The following AP4M1 variants were observed in gnomAD, a reference collection of about 807,000 sequenced individuals.
The protein encoded by AP4M1 is adaptor related protein complex 4 subunit mu 1, also known as AP-4 complex subunit mu-1.
AP4M1 carries 58 observed loss-of-function variants against 62.4 expected under a neutral mutation model. The ratio of observed to expected loss-of-function variants is 0.93; its 90% CI spans 0.75 to 1.16. The LOEUF is 1.16. AP4M1 is among the 50% of genes most tolerant of loss of function. The probability of loss-of-function intolerance (pLI) is 0.00; values close to 1 mark genes in which losing one functional copy is unlikely to be tolerated. For synonymous variants in AP4M1, 290 were observed against 239.7 expected (o/e 1.21, Z -1.94); for missense variants, 626 against 585.4 (o/e 1.07, Z -0.72).
At chr7:100,103,896 A>AAG (rs1796259413) in intron 6 of AP4M1, among the ~76,000 whole-genome samples, 196 bp from the exon 7 acceptor site, 1 of 150,858 alleles carries the variant, frequency 6.6e-6, no homozygotes, top group Non-Finnish European at 1.5e-5. Flanking sequence ...GCAAAAAAAA[A>AAG]AAAAAAAAAA....
chr7:100,101,195 C>T (rs546749583), upstream of AP4M1: 22 of 1,591,084 alleles, frequency 1.4e-5, no homozygotes, highest in South Asian at 2.1e-4. Context: ...AAGACCCCAG[C>T]TCACACCAAC....
Position 100,105,947 on chromosome 7 carries a change from C to T in AP4M1, c.930-12C>T, listed in dbSNP as rs1305696056. The T allele has an allele frequency of 5.0e-6, 8 of 1,613,938 alleles. No homozygotes were observed. The highest frequency in any genetic ancestry group is 1.3e-5 in the African/African-American group (1 of 74,892). On this transcript the variant is annotated splice_polypyrimidine_tract_variant and intron_variant, in intron 11 of 14. Coordinates refer to ENST00000359593, the MANE Select transcript of AP4M1 (RefSeq NM_004722.4). ...GATGGCCTGAGTCGTGGTGTTTTAC[C>T]CTCTCATCCAGGCTCCAGGTTTATC... is the stretch of plus-strand genomic sequence containing the variant.
At chr7:100,106,189 G>A (rs765694445) in intron 12 of AP4M1, 52 bp from the exon 13 acceptor site, 37 of 1,604,518 alleles carry the variant, frequency 2.3e-5, no homozygotes, top group Non-Finnish European at 3.2e-5. Context: ...AGAGGAACAG[G>A]ACAAGGGACT....
At position 100,105,289 on chromosome 7, in the gene AP4M1, G is replaced by A. The variant is rs144253083; in HGVS notation, c.777G>A (p.Val259=). Reference sequence around the variant, plus strand: ...ATGAAGTCTCGTTTCACAGCTCTGTGAATCTGGACGAATTTGAGTCTCATC... The same window carrying A: ...ATGAAGTCTCGTTTCACAGCTCTGTAAATCTGGACGAATTTGAGTCTCATC... ...RVDEVSFHSS[V]NLDEFESHRI... Residue 259 remains valine, a synonymous_variant, in exon 10 of 15, where the codon GTG becomes GTA. Transcript: ENST00000359593. The A allele has an allele frequency of 7.1e-5, 114 of 1,614,156 alleles. No homozygotes were observed. The African/African-American group carries it at 1.5e-3, about 21-fold the overall frequency.
rs544437184 is a variant in AP4M1, at chr7:100,101,999, G to C, written c.147+31G>C. 6.8e-6 allele frequency: 11 copies of C among 1,611,492 alleles called. No homozygotes were observed. The African/African-American group carries it at 1.2e-4, about 18-fold the overall frequency. On this transcript the variant is annotated intron_variant, in intron 2 of 14. Coordinates refer to ENST00000359593, the MANE Select transcript of AP4M1 (RefSeq NM_004722.4). ...CAGTGGCGGGAGGCGGGTGAGGAGC[G>C]GGGTCCCGTCGGGCCGGGTGGGCGC...
rs1424440850 is a variant in AP4M1, at chr7:100,107,986, G to A, written c.*1104G>A. On this transcript the variant is annotated 3_prime_UTR_variant, in exon 15 of 15. Transcript: ENST00000359593. Reference sequence around the variant, plus strand: ...TTACAATAAACTTGGTTGGAGGAGGGGAAGGCTGTGGTGGGGCAGCCGCTC... The same window carrying A: ...TTACAATAAACTTGGTTGGAGGAGGAGAAGGCTGTGGTGGGGCAGCCGCTC... 12 of 1,614,058 alleles carry A rather than the reference G, an allele frequency of 7.4e-6. No homozygotes were observed. The highest frequency in any genetic ancestry group is 9.3e-6 in the Non-Finnish European group (11 of 1,179,988).
Position 100,106,437 on chromosome 7 carries a change from G to C in AP4M1, c.1060G>C (p.Ala354Pro), listed in dbSNP as rs201015648. The stretch of plus-strand genomic sequence containing the variant: ...GGAGCTGAGCAGCCCAGAGCAGAAG[G>C]CTGAGCTGGCAGAGGGAGCCCTTCG... ...SQELSSPEQK[A>P]ELAEGALRWD... The change falls in exon 14 of 15, where the codon GCT becomes CCT. Residue 354 changes from alanine to proline, a missense_variant. Physicochemically the swap from Ala to Pro is conservative, Grantham distance 27 (BLOSUM62 -1). Coordinates refer to ENST00000359593, the MANE Select transcript of AP4M1 (RefSeq NM_004722.4). 201 of 1,613,756 alleles carry C rather than the reference G, an allele frequency of 1.2e-4. No homozygotes were observed. The highest frequency in any genetic ancestry group is 1.6e-4 in the Non-Finnish European group (193 of 1,180,036).
intron 4 of AP4M1, 122 bp downstream of exon 4, chr7:100,103,082 T>G (rs1796191703): frequency 2.6e-6 from 2 of 777,108 alleles, no homozygotes; most frequent in Non-Finnish European, 4.0e-6. Flanking sequence ...TTTTTTTTTT[T>G]GCTTTTAGAG....
Position 100,102,937 on chromosome 7 carries a change from T to C in AP4M1, c.328T>C (p.Tyr110His). The change falls in exon 4 of 15, where the codon TAC (tyrosine) becomes CAC (histidine). Residue 110 changes from tyrosine to histidine, a missense_variant. By Grantham distance (83) the Tyr-to-His change is moderately conservative. Transcript: ENST00000359593. ...GTISRNVALV[Y>H]ELLDEVLDYG... ...CATCTCCCGCAATGTGGCTCTGGTA[T>C]ACGAACTCCTGGATGAAGTGCTGGT... 5.6e-6 allele frequency: 9 copies of C among 1,614,094 alleles called. No individual in the cohort carries two copies. The highest frequency in any genetic ancestry group is 7.6e-6 in the Non-Finnish European group (9 of 1,180,004).
chr7:100,108,470 A>C lies in AP4M1; in HGVS notation c.*1588A>C, dbSNP rs1796802268. 3.7e-6 allele frequency: 6 copies of C among 1,613,984 alleles called. No individual in the cohort carries two copies. The highest frequency in any genetic ancestry group is 8.5e-7 in the Non-Finnish European group (1 of 1,179,914). On this transcript the variant is annotated 3_prime_UTR_variant, in exon 15 of 15. Coordinates refer to ENST00000359593, the MANE Select transcript of AP4M1 (RefSeq NM_004722.4). ...GCAGAGGAGGGGCCCAAGGGACCCG[A>C]ATTCTGCCCGATAGGCGTCCTGATT...
chr7:100,101,627 C>T (rs1275835132), upstream of AP4M1: 5 of 1,352,936 alleles, frequency 3.7e-6, no homozygotes, highest in Non-Finnish European at 4.2e-6. Context: ...TCTTAAAGGG[C>T]CAGCGCACAC....
chr7:100,101,135 A>T, upstream of AP4M1: 1 of 1,189,820 alleles, frequency 8.4e-7, no homozygotes, highest in South Asian at 1.3e-5. Context: ...CCGCAGCTCG[A>T]CCCTGCCTCT....
intron 2 of AP4M1, 73 bp from the exon 3 acceptor site, chr7:100,102,602 C>T (rs1202068063): frequency 1.5e-6 from 2 of 1,357,862 alleles, no homozygotes; most frequent in Non-Finnish European, 2.1e-6. Context: ...GGGATCCGAG[C>T]TCAGGTCTCC....
chr7:100,106,618 T>C (rs1257358051), intron 14 of AP4M1, 40 bp from the exon 15 acceptor site: 7 of 1,358,194 alleles, frequency 5.2e-6, no homozygotes, highest in South Asian at 2.3e-5. Flanking sequence ...CGTGGTCAGC[T>C]TCTTGCCCTC....
Position 100,108,139 on chromosome 7 carries a change from GA to G in AP4M1, c.*1260del, listed in dbSNP as rs778414796. On this transcript the variant is annotated 3_prime_UTR_variant, in exon 15 of 15. Transcript: ENST00000359593. ...TGGGCCGGGGCTGCGGGGAGAAGAG[GA>G]AAGGGGGAAGTGGCACCATCTACTA... 2.5e-6 allele frequency: 4 copies of G among 1,581,384 alleles called. No individual in the cohort carries two copies. In the South Asian group the frequency reaches 3.4e-5, roughly 14 times the overall value.
rs779065511 is a variant in AP4M1, at chr7:100,106,831, C to G, written c.1311C>G (p.His437Gln). 3.3e-5 allele frequency: 54 copies of G among 1,614,014 alleles called. No homozygotes were observed. The highest frequency in any genetic ancestry group is 4.6e-5 in the Non-Finnish European group (54 of 1,180,050). The change falls in exon 15 of 15, where the codon CAC (histidine) becomes CAG (glutamine). Residue 437 changes from histidine to glutamine, a missense_variant. Physicochemically the swap from His to Gln is conservative, Grantham distance 24. Transcript: ENST00000359593. ...GGCCATGCGGCAATGCCAACCCCCA[C>G]AAGTGGGTGCGACACCTAAGCCACA... ...AFRPCGNANP[H>Q]KWVRHLSHSD...
Position 100,101,911 on chromosome 7 carries a change from C to G in AP4M1, c.90C>G (p.Ala30=), listed in dbSNP as rs1418445713. 6 of 1,612,912 alleles carry G rather than the reference C, an allele frequency of 3.7e-6. No homozygotes were observed. Among genetic ancestry groups the G allele is most frequent in the Non-Finnish European group, 1.7e-6 (2 of 1,179,954 alleles). Residue 30 remains alanine (A), a synonymous_variant, in exon 2 of 15, where the codon GCC becomes GCG. Coordinates refer to ENST00000359593, the MANE Select transcript of AP4M1 (RefSeq NM_004722.4). ...FRGDSGGRDV[A]ELFYRKLTGL... is the part of the protein sequence containing the mutation. ...GGGACAGTGGCGGCCGGGATGTGGC[C>G]GAGCTCTTCTACCGGAAGCTGACGG...
At chr7:100,103,555 AG>A (rs1796231548) in intron 5 of AP4M1, 36 bp downstream of exon 5, 1 of 1,613,728 alleles carries the variant, frequency 6.2e-7, no homozygotes, top group Non-Finnish European at 8.5e-7. Flanking sequence ...AGGAAAGAGA[AG>A]AGGGGTTGGC....
At chr7:100,103,009 G>A (rs1389079859) in intron 4 of AP4M1, 49 bp downstream of exon 4, 3 of 1,407,220 alleles carry the variant, frequency 2.1e-6, no homozygotes, top group South Asian at 2.3e-5. Context: ...TTCCCCTGAA[G>A]ATACATCTGC....
Sources: gnomAD v4.1 joint callset for allele counts (sites outside exome capture counted in the v4.1 genomes callset) on GRCh38, gnomAD v4.1.1 for gene constraint, MANE v1.5 for transcripts, NCBI Gene and HGNC (gene_info 2026-07-23, HGNC 2026-07-21) for gene names.